ST8SIA1: variants seen among roughly 807,000 people sequenced by gnomAD.
ST8SIA1 encodes the protein alpha-N-acetylneuraminide alpha-2,8-sialyltransferase.
A neutral mutation model predicts 35.9 loss-of-function variants in ST8SIA1; 16 were observed. That is an observed-to-expected ratio of 0.45 (90% CI 0.30 to 0.68). The LOEUF (loss-of-function observed/expected upper bound fraction) is 0.68, where lower values mean the gene tolerates loss of function less well. Ranked by LOEUF, ST8SIA1 falls within the 30% of genes least tolerant of loss-of-function variation. ST8SIA1 has a pLI of 0.09. For missense variants in ST8SIA1, 383 were observed against 453.6 expected, an observed-to-expected ratio of 0.84 and a Z score of 1.41; for synonymous variants, 170 against 169.6, an observed-to-expected ratio of 1.00 and a Z score of -0.02.
intron 4 of ST8SIA1, among the ~76,000 whole-genome samples, chr12:22,230,508 C>T (rs1865407236): frequency 6.6e-6 from 1 of 152,072 alleles, no homozygotes; most frequent in Admixed American, 6.6e-5. Context: ...TTTCCAATCC[C>T]CCGTCTAAAA....
chr12:22,294,791 T>C (rs1359144376), intron 1 of ST8SIA1, among the ~76,000 whole-genome samples: 1 of 152,180 alleles, frequency 6.6e-6, no homozygotes. Context: ...TTATAATTTA[T>C]TGAACAAGTA....
At chr12:22,243,324 G>T (rs957611820) in intron 4 of ST8SIA1, among the ~76,000 whole-genome samples, 2 of 152,068 alleles carry the variant, frequency 1.3e-5, no homozygotes, top group Admixed American at 1.3e-4. Flanking sequence ...GATAACTACT[G>T]ATGTCTTGGA....
At chr12:22,295,790 A>G (rs1358103063) in intron 1 of ST8SIA1, among the ~76,000 whole-genome samples, 1 of 152,212 alleles carries the variant, frequency 6.6e-6, no homozygotes, top group African/African-American at 2.4e-5. Context: ...AAAGAGACCC[A>G]TTTGTGGAAA....
In ST8SIA1 at chr12:22,274,264, T is replaced by C. The variant is rs548408710; in HGVS notation, c.381+12885A>G. ...CAATCAAGGGTTTTAAGCAAAATGA[T>C]TGCATGATCTGATTTGCATTTTAAA... On this transcript the variant is annotated intron_variant, in intron 2 of 4. Coordinates refer to ENST00000396037, the MANE Select transcript of ST8SIA1 (RefSeq NM_003034.4). 3.3e-5 allele frequency among the ~76,000 whole-genome samples: 5 copies of C among 152,342 alleles called. No homozygotes were observed. In the East Asian group the frequency reaches 7.7e-4, roughly 24 times the overall value.
Position 22,297,199 on chromosome 12 carries a change from A to C in ST8SIA1, c.237-9906T>G, listed in dbSNP as rs529888375. Among the ~76,000 whole-genome samples, 6 of 152,148 alleles carry C rather than the reference A, an allele frequency of 3.9e-5. No homozygotes were observed. In the South Asian group the frequency reaches 1.2e-3, roughly 32 times the overall value. On this transcript the variant is annotated intron_variant, in intron 1 of 4. Transcript: ENST00000396037. ...GAAAGGCAAAGCAAATTAAAGGAAG[A>C]GAAAAAAGATACAGAAACAGCATTA...
rs1401982211 is a variant in ST8SIA1 at position 22,201,250 on chromosome 12, T to C, written c.*302A>G. 2.2e-5 allele frequency: 6 copies of C among 274,084 alleles called. No homozygotes were observed. In the East Asian group the frequency reaches 3.8e-4, roughly 17 times the overall value. The allele number at this position is 274,084 out of a possible 1,614,324, so 17.0% of individuals were successfully genotyped here. A position where few individuals can be genotyped will look rare whatever the true frequency, so the allele number is the denominator to read the frequency against. On this transcript the variant is annotated 3_prime_UTR_variant, in exon 5 of 5. Transcript: ENST00000396037. ...TTCCTCAGCCCTAACAACTCGAGTC[T>C]GTCTTGTTTTTGAACTGCATCTTCT...
At chr12:22,275,944 T>C (rs559952792) in intron 2 of ST8SIA1, among the ~76,000 whole-genome samples, 2 of 152,364 alleles carry the variant, frequency 1.3e-5, no homozygotes, top group East Asian at 3.9e-4. Flanking sequence ...AGCTCTTCTG[T>C]AGCTGGGGTG....
intron 4 of ST8SIA1, among the ~76,000 whole-genome samples, chr12:22,246,733 G>GATT (rs939971999): frequency 2.6e-5 from 4 of 152,054 alleles, no homozygotes; most frequent in Admixed American, 1.3e-4. Flanking sequence ...AGTCCCAGGC[G>GATT]ATTATTAGCA....
At chr12:22,224,876 C>G (rs1394135210) in intron 4 of ST8SIA1, among the ~76,000 whole-genome samples, 1 of 152,152 alleles carries the variant, frequency 6.6e-6, no homozygotes, top group East Asian at 1.9e-4. Context: ...TATTTAGAAA[C>G]AGGATCTTTG....
intron 4 of ST8SIA1, among the ~76,000 whole-genome samples, chr12:22,248,223 A>G (rs1865626904): frequency 6.6e-6 from 1 of 152,182 alleles, no homozygotes; most frequent in African/African-American, 2.4e-5. Flanking sequence ...TTAGATGACA[A>G]GCGCCTGGGC....
intron 1 of ST8SIA1, among the ~76,000 whole-genome samples, chr12:22,311,107 G>A (rs954376659): frequency 3.3e-5 from 5 of 152,154 alleles, no homozygotes; most frequent in African/African-American, 1.2e-4. Context: ...GGGCATCCAG[G>A]TAATCACTCA....
At chr12:22,281,808 C>T (rs1309113909) in intron 2 of ST8SIA1, among the ~76,000 whole-genome samples, 3 of 138,018 alleles carry the variant, frequency 2.2e-5, no homozygotes, top group African/African-American at 8.5e-5. Context: ...CATAACAAAA[C>T]CTTGTCTCTA....
chr12:22,331,942 T>C (rs1424767081), intron 1 of ST8SIA1, among the ~76,000 whole-genome samples: 2 of 152,234 alleles, frequency 1.3e-5, no homozygotes, highest in African/African-American at 2.4e-5. Flanking sequence ...ATGTACCAGA[T>C]ACTTGGCATC....
chr12:22,244,194 T>C (rs530003697), intron 4 of ST8SIA1, among the ~76,000 whole-genome samples: 1 of 152,308 alleles, frequency 6.6e-6, no homozygotes, highest in South Asian at 2.1e-4. Context: ...TCACTTAGCA[T>C]ACTCTTTTCT....
chr12:22,258,622 G>C lies in ST8SIA1; in HGVS notation c.382-3233C>G, dbSNP rs148192220. Among the ~76,000 whole-genome samples the C allele has an allele frequency of 5.3e-3, 813 of 152,346 alleles. 9 individuals carry two copies. Among genetic ancestry groups the C allele is most frequent in the African/African-American group, 0.019 (781 of 41,576 alleles). ...CCTTGAAAAAGGTAGATTTAGTTCA[G>C]CGATAAGAACAAAAACCTGATCTGA... is the stretch of plus-strand genomic sequence containing the variant. On this transcript the variant is annotated intron_variant, in intron 2 of 4. Coordinates refer to ENST00000396037, the MANE Select transcript of ST8SIA1 (RefSeq NM_003034.4).
intron 1 of ST8SIA1, among the ~76,000 whole-genome samples, chr12:22,321,694 C>G (rs552214415): frequency 4.6e-5 from 7 of 152,128 alleles, no homozygotes; most frequent in Non-Finnish European, 1.0e-4. Flanking sequence ...AACTGGGGTG[C>G]GGGGTGGAGG....
At chr12:22,229,654 A>G (rs982137718) in intron 4 of ST8SIA1, among the ~76,000 whole-genome samples, 2 of 151,466 alleles carry the variant, frequency 1.3e-5, no homozygotes, top group Non-Finnish European at 2.9e-5. Flanking sequence ...CTTCAAGGTT[A>G]TCCACCATGA....
intron 1 of ST8SIA1, among the ~76,000 whole-genome samples, chr12:22,331,472 T>A (rs965734039): frequency 6.6e-6 from 1 of 152,258 alleles, no homozygotes; most frequent in Non-Finnish European, 1.5e-5. Flanking sequence ...TAAATGCACC[T>A]ATATCTCAAC....
chr12:22,313,399 A>G (rs999430858), intron 1 of ST8SIA1, among the ~76,000 whole-genome samples: 6 of 152,192 alleles, frequency 3.9e-5, no homozygotes, highest in African/African-American at 9.7e-5. Flanking sequence ...AGTTTTGCCA[A>G]TGAAGGAAAT....
Sources: gnomAD v4.1 joint callset for allele counts (sites outside exome capture counted in the v4.1 genomes callset) on GRCh38, gnomAD v4.1.1 for gene constraint, MANE v1.5 for transcripts, NCBI Gene and HGNC (gene_info 2026-07-23, HGNC 2026-07-21) for gene names.